The following EIF5A variants were observed in gnomAD, a reference collection of about 807,000 sequenced individuals.
EIF5A encodes the protein eukaryotic translation initiation factor 5A-1.
Under a neutral mutation model 16.6 loss-of-function variants are expected in EIF5A, and 1 was observed. That is an observed-to-expected ratio of 0.06 (90% CI 0.02 to 0.28). EIF5A has a LOEUF of 0.28. Ranked by LOEUF, EIF5A falls within the 10% of genes least tolerant of loss-of-function variation. The pLI, the probability that EIF5A is intolerant of heterozygous loss-of-function variation, is 1.00. For missense variants in EIF5A, 29 were observed against 196.1 expected (o/e 0.15, Z 5.09); for synonymous variants, 80 against 73.6 (o/e 1.09, Z -0.44).
chr17:7,311,336 C>T lies in EIF5A; in HGVS notation c.271-14C>T. ...GGCCTACTACCTTCAGCCTCCTTCC[C>T]TATCTGCCCCCAGCTGATTGGCATC... On this transcript the variant is annotated splice_polypyrimidine_tract_variant and intron_variant, in intron 3 of 5. Transcript: ENST00000336458. 6.2e-7 allele frequency: 1 copy of T among 1,614,020 alleles called. No individual in the cohort carries two copies. The highest frequency in any genetic ancestry group is 8.5e-7 in the Non-Finnish European group (1 of 1,179,938).
At chr17:7,309,190 C>G (rs555697301) in intron 1 of EIF5A, among the ~76,000 whole-genome samples, 2 of 151,882 alleles carry the variant, frequency 1.3e-5, no homozygotes, top group Non-Finnish European at 2.9e-5. Flanking sequence ...CCTCCCCCCC[C>G]CCAATTAGCC....
intron 2 of EIF5A, chr17:7,310,658 CCA>C (rs1223068796): frequency 1.2e-5 from 12 of 985,272 alleles, no homozygotes; most frequent in Non-Finnish European, 1.4e-5. Context: ...TCCTTATTCC[CCA>C]GTTTCTCAGC....
intron 1 of EIF5A, chr17:7,307,996 A>G (rs2072677322): frequency 9.1e-6 from 9 of 984,808 alleles, no homozygotes; most frequent in Non-Finnish European, 1.1e-5. Context: ...GCCGCGAGGC[A>G]GCCACGCGGG....
At chr17:7,311,738 T>C (rs1280770734) in intron 5 of EIF5A, 84 bp from the exon 6 acceptor site, 1 of 1,541,262 alleles carries the variant, frequency 6.5e-7, no homozygotes. Flanking sequence ...CAGGCTTACT[T>C]TCTGCCCCTA....
At chr17:7,307,372 G>C (rs2072653876), upstream of EIF5A, 2 of 1,238,004 alleles carry the variant, frequency 1.6e-6, no homozygotes, top group Non-Finnish European at 2.0e-6. Context: ...GGTCTATCAA[G>C]GGGAGGGAAG....
intron 2 of EIF5A, chr17:7,310,801 T>C (rs1459165348): frequency 2.0e-6 from 2 of 985,328 alleles, no homozygotes; most frequent in African/African-American, 1.7e-5. Context: ...TTTTCTATTG[T>C]GCTGTCAACC....
intron 2 of EIF5A, chr17:7,310,141 C>T: frequency 7.6e-7 from 1 of 1,308,230 alleles, no homozygotes; most frequent in Non-Finnish European, 1.0e-6. Context: ...TTCCCTTGAG[C>T]CGTTGTTAAG....
At position 7,311,902 on chromosome 17, in the gene EIF5A, A is replaced by T; in HGVS notation, c.*92A>T. ...CCTGGCCTGGCTCTGGCCCGGTCCT[A>T]AGCTGGACTCCTCCTACACAATTTA... is the stretch of plus-strand genomic sequence containing the variant. On this transcript the variant is annotated 3_prime_UTR_variant, in exon 6 of 6. Coordinates refer to ENST00000336458, the MANE Select transcript of EIF5A (RefSeq NM_001970.5). 1.7e-6 allele frequency: 1 copy of T among 596,632 alleles called. No homozygotes were observed. The highest frequency in any genetic ancestry group is 4.5e-4 in the Middle Eastern group (1 of 2,210). 37.0% of individuals were successfully genotyped at this position (596,632 alleles called of 1,614,324 possible).
At chr17:7,308,857 C>T (rs765701169) in intron 1 of EIF5A, among the ~76,000 whole-genome samples, 1 of 152,174 alleles carries the variant, frequency 6.6e-6, no homozygotes, top group Non-Finnish European at 1.5e-5. Context: ...ATTCACCACC[C>T]CCCACCTCTC....
upstream of EIF5A, chr17:7,307,529 G>A (rs1214856113): frequency 3.0e-6 from 3 of 1,016,794 alleles, no homozygotes; most frequent in Non-Finnish European, 3.5e-6. Context: ...GGGTGTGTGC[G>A]CTTGCGCAGT....
chr17:7,311,846 C>G lies in EIF5A; in HGVS notation c.*36C>G. On this transcript the variant is annotated 3_prime_UTR_variant, in exon 6 of 6. Transcript: ENST00000336458. The stretch of plus-strand genomic sequence containing the variant: ...GGGTGGCGGTGGTGGCAGCAGTGAT[C>G]CTCTGAACCTGCAGAGGCCCCCTCC... 1 of 772,414 alleles carries G rather than the reference C, an allele frequency of 1.3e-6. No homozygotes were observed. The highest frequency in any genetic ancestry group is 2.1e-6 in the Non-Finnish European group (1 of 473,620). 47.8% of individuals were successfully genotyped at this position (772,414 alleles called of 1,614,324 possible).
chr17:7,309,181 C>T (rs1302268012), intron 1 of EIF5A, among the ~76,000 whole-genome samples: 1 of 143,630 alleles, frequency 7.0e-6, no homozygotes, highest in Admixed American at 7.2e-5. Context: ...GGTCTCCACC[C>T]TCCCCCCCCC....
intron 1 of EIF5A, among the ~76,000 whole-genome samples, chr17:7,308,861 A>C (rs923758050): frequency 1.5e-4 from 23 of 151,306 alleles, no homozygotes; most frequent in Admixed American, 5.9e-4. Context: ...ACCACCCCCC[A>C]CCTCTCCCAC....
In EIF5A at chr17:7,311,645, C is replaced by G. The variant is rs372959364; in HGVS notation, c.*5C>G. The G allele has an allele frequency of 2.5e-6, 4 of 1,614,152 alleles. No individual in the cohort carries two copies. The highest frequency in any genetic ancestry group is 2.5e-6 in the Non-Finnish European group (3 of 1,180,036). On this transcript the variant is annotated 3_prime_UTR_variant, in exon 5 of 6. Transcript: ENST00000336458. The stretch of plus-strand genomic sequence containing the variant: ...ATCAAGGCCATGGCAAAATAACTGG[C>G]TCCCAGGTGAGTGTGACAAATCCCT...
intron 1 of EIF5A, chr17:7,308,636 G>C: frequency 7.5e-7 from 1 of 1,327,436 alleles, no homozygotes. Context: ...CGTTTGGACA[G>C]GAGCCCAACT....
intron 2 of EIF5A, chr17:7,310,462 TC>T (rs1352403610): frequency 8.5e-7 from 1 of 1,174,292 alleles, no homozygotes; most frequent in African/African-American, 1.6e-5. Context: ...GTGGTGTTTT[TC>T]CTTAATCAGT....
Position 7,311,013 on chromosome 17 carries a change from T to TA in EIF5A, c.166-4dup. On this transcript the variant is annotated splice_polypyrimidine_tract_variant and splice_region_variant and intron_variant, in intron 2 of 5. Coordinates refer to ENST00000336458, the MANE Select transcript of EIF5A (RefSeq NM_001970.5). ...TGGGTTTCTCTTTGTGATGCATACA[T>TA]ACAGGTCCATCTGGTTGGTATTGAC... The TA allele has an allele frequency of 1.9e-6, 3 of 1,612,498 alleles. No homozygotes were observed. Among genetic ancestry groups the TA allele is most frequent in the Non-Finnish European group, 2.5e-6 (3 of 1,179,082 alleles).
At position 7,307,763 on chromosome 17, in the gene EIF5A, G is replaced by T; in HGVS notation, c.-22+11G>T. 1.0e-6 allele frequency: 1 copy of T among 1,004,844 alleles called. No homozygotes were observed. The allele number at this position is 1,004,844 out of a possible 1,614,324, so 62.2% of individuals were successfully genotyped here. On this transcript the variant is annotated intron_variant, in intron 1 of 5. Transcript: ENST00000336458. ...GTGCGTTCGCGCGAGGTGAGAGCGG[G>T]CAGGGCGCGTGTGCGCGGTACCTTG...
At chr17:7,310,462 T>C (rs1205424817) in intron 2 of EIF5A, 21 of 1,174,292 alleles carry the variant, frequency 1.8e-5, no homozygotes, top group Non-Finnish European at 2.2e-5. Flanking sequence ...GTGGTGTTTT[T>C]CCTTAATCAG....
Sources: allele counts gnomAD v4.1 joint callset (sites outside exome capture counted in the v4.1 genomes callset), GRCh38; gene constraint gnomAD v4.1.1; transcripts MANE v1.5; gene names NCBI Gene and HGNC (gene_info 2026-07-23, HGNC 2026-07-21).